The following MARCHF7 variants were observed in gnomAD, a reference collection of about 807,000 sequenced individuals.
MARCHF7 encodes the protein membrane associated ring-CH-type finger 7.
MARCHF7 carries 20 observed loss-of-function variants against 76.5 expected under a neutral mutation model. The ratio of observed to expected loss-of-function variants is 0.26; its 90% confidence interval spans 0.18 to 0.38. The LOEUF (loss-of-function observed/expected upper bound fraction) is 0.38. Among genes scored for constraint, MARCHF7 ranks in the 10% least tolerant of loss-of-function variants. MARCHF7 has a pLI of 1.00. For missense variants in MARCHF7, 797 were observed against 812.9 expected (o/e 0.98, Z 0.24); for synonymous variants, 295 against 293.0 (o/e 1.01, Z -0.07).
intron 7 of MARCHF7, among the ~76,000 whole-genome samples, chr2:159,750,969 T>G (rs995889469): frequency 6.6e-6 from 1 of 152,240 alleles, no homozygotes; most frequent in East Asian, 1.9e-4. Context: ...ACCATACTCC[T>G]ATTTTTCATT....
At position 159,742,955 on chromosome 2, in the gene MARCHF7, C is replaced by T. The variant is rs918727609; in HGVS notation, c.154-106C>T. The T allele has an allele frequency of 2.8e-5, 28 of 1,000,798 alleles. 1 individual carries two copies. The highest frequency in any genetic ancestry group is 2.5e-4 in the South Asian group (15 of 60,344). The allele number at this position is 1,000,798 out of a possible 1,614,324, so 62.0% of individuals were successfully genotyped here. On this transcript the variant is annotated intron_variant, in intron 4 of 11. Transcript: ENST00000409175. ...CAGTCTCAAAAAAAAAAAAGAACTA[C>T]GTGGTAGAAAAATTGATGCTTGTGG... is the stretch of plus-strand genomic sequence containing the variant.
At chr2:159,754,715 C>T (rs933551690) in intron 8 of MARCHF7, among the ~76,000 whole-genome samples, 9 of 152,064 alleles carry the variant, frequency 5.9e-5, no homozygotes, top group African/African-American at 2.2e-4. Context: ...TCCTATAATA[C>T]GAGAAAGGAT....
chr2:159,743,090 A>G lies in MARCHF7; in HGVS notation c.183A>G (p.Pro61=), dbSNP rs1480877316. The change falls in exon 5 of 12, where the codon CCA becomes CCG. Residue 61 remains proline (P), a synonymous_variant. Coordinates refer to ENST00000409175, the MANE Select transcript of MARCHF7 (RefSeq NM_001282805.2). ...QSTSASASAS[P]FQSAWYSESE... ...CATCAGCATCAGCATCTGCGTCACC[A>G]TTTCAATCTGCATGGTATAGTGAAT... is the stretch of plus-strand genomic sequence containing the variant. 3 of 1,613,906 alleles carry G rather than the reference A, an allele frequency of 1.9e-6. No homozygotes were observed. The highest frequency in any genetic ancestry group is 2.2e-5 in the East Asian group (1 of 44,876).
chr2:159,757,991 A>G (rs181293448), intron 8 of MARCHF7, among the ~76,000 whole-genome samples: 3 of 152,208 alleles, frequency 2.0e-5, no homozygotes, highest in East Asian at 3.8e-4. Flanking sequence ...TTTTACTCTT[A>G]AAAAATTCTG....
At chr2:159,722,723 G>GC (rs1459435454) in intron 3 of MARCHF7, among the ~76,000 whole-genome samples, 1 of 152,132 alleles carries the variant, frequency 6.6e-6, no homozygotes, top group Non-Finnish European at 1.5e-5. Flanking sequence ...TATATTTTGT[G>GC]CTTTTGACCT....
chr2:159,764,577 T>C (rs774825519), intron 10 of MARCHF7, 49 bp from the exon 11 acceptor site: 2 of 1,415,118 alleles, frequency 1.4e-6, no homozygotes, highest in Middle Eastern at 1.8e-4. Context: ...TCTCTTTAGA[T>C]CCATTTGCAA....
At chr2:159,767,064 T>C (rs1175176537) in intron 11 of MARCHF7, among the ~76,000 whole-genome samples, 2 of 152,062 alleles carry the variant, frequency 1.3e-5, no homozygotes, top group African/African-American at 4.8e-5. Context: ...AAAATTGATA[T>C]AACATTACAA....
chr2:159,746,319 T>A (rs1311896287), intron 6 of MARCHF7, among the ~76,000 whole-genome samples: 1 of 152,258 alleles, frequency 6.6e-6, no homozygotes, highest in Non-Finnish European at 1.5e-5. Flanking sequence ...ATCACCATTT[T>A]AAGGCATAAT....
At chr2:159,764,564 T>A (rs559772239) in intron 10 of MARCHF7, 62 bp from the exon 11 acceptor site, 1 of 1,328,362 alleles carries the variant, frequency 7.5e-7, no homozygotes, top group East Asian at 2.5e-5. Flanking sequence ...CCTATACTGA[T>A]TCTCTCTTTA....
intron 8 of MARCHF7, 47 bp from the exon 9 acceptor site, chr2:159,759,179 G>A (rs1189553348): frequency 2.0e-6 from 2 of 999,404 alleles, no homozygotes; most frequent in East Asian, 2.4e-5. Context: ...AGTGTTTTAT[G>A]AAGACATTAT....
At chr2:159,764,748 T>C in intron 11 of MARCHF7, 74 bp downstream of exon 11, 1 of 1,181,312 alleles carries the variant, frequency 8.5e-7, no homozygotes, top group East Asian at 2.6e-5. Flanking sequence ...AACCTAAGTA[T>C]ATACTCTGTT....
chr2:159,758,793 G>A (rs1311275662), intron 8 of MARCHF7, among the ~76,000 whole-genome samples: 2 of 152,200 alleles, frequency 1.3e-5, no homozygotes, highest in Non-Finnish European at 2.9e-5. Context: ...GGTATGTGAG[G>A]TATGTGTTGT....
chr2:159,746,715 T>C (rs956459190), intron 6 of MARCHF7, among the ~76,000 whole-genome samples: 2 of 152,204 alleles, frequency 1.3e-5, no homozygotes, highest in Non-Finnish European at 2.9e-5. Context: ...TTTGTATCAT[T>C]GTACATAGCC....
intron 4 of MARCHF7, among the ~76,000 whole-genome samples, chr2:159,732,567 T>C (rs567526456): frequency 6.6e-6 from 1 of 152,286 alleles, no homozygotes; most frequent in African/African-American, 2.4e-5. Context: ...GCTTGTAGTG[T>C]AGTTGAGCAA....
intron 5 of MARCHF7, among the ~76,000 whole-genome samples, chr2:159,744,442 C>T (rs2125566755): frequency 6.6e-6 from 1 of 152,290 alleles, no homozygotes; most frequent in Admixed American, 6.5e-5. Context: ...ATATTTTTCA[C>T]ACACGTTGAA....
At chr2:159,752,179 C>T (rs1325700556) in intron 7 of MARCHF7, among the ~76,000 whole-genome samples, 2 of 152,038 alleles carry the variant, frequency 1.3e-5, no homozygotes, top group Non-Finnish European at 2.9e-5. Flanking sequence ...CTTTAAAATA[C>T]TTGTTACAAT....
At chr2:159,720,036 C>T (rs577869855) in intron 3 of MARCHF7, among the ~76,000 whole-genome samples, 3 of 152,182 alleles carry the variant, frequency 2.0e-5, no homozygotes, top group Admixed American at 1.3e-4. Flanking sequence ...CCTCCCCCCT[C>T]CAGCCCCAAG....
At chr2:159,723,800 T>A (rs183467187) in intron 3 of MARCHF7, among the ~76,000 whole-genome samples, 3 of 152,334 alleles carry the variant, frequency 2.0e-5, no homozygotes, top group Non-Finnish European at 1.5e-5. Flanking sequence ...ATTTTTAAAA[T>A]TGCCTTTTCT....
intron 3 of MARCHF7, among the ~76,000 whole-genome samples, chr2:159,727,210 A>G (rs538145309): frequency 1.3e-5 from 2 of 152,374 alleles, no homozygotes; most frequent in African/African-American, 4.8e-5. Context: ...AAATTTGCCA[A>G]TCACGAAAAG....
Sources: gnomAD v4.1 joint callset for allele counts (sites outside exome capture counted in the v4.1 genomes callset) on GRCh38, gnomAD v4.1.1 for gene constraint, MANE v1.5 for transcripts, NCBI Gene and HGNC (gene_info 2026-07-23, HGNC 2026-07-21) for gene names.